Variants in PLPPR2 observed in about 807,000 individuals in gnomAD.
PLPPR2 encodes phospholipid phosphatase related 2.
A neutral mutation model predicts 40.3 loss-of-function variants in PLPPR2; 11 were observed. The ratio of observed to expected loss-of-function variants is 0.27; its 90% CI spans 0.17 to 0.45. The LOEUF (loss-of-function observed/expected upper bound fraction) is 0.45, where lower values mean the gene tolerates loss of function less well. Among genes scored for constraint, PLPPR2 ranks in the 20% least tolerant of loss-of-function variants. PLPPR2 has a pLI of 1.00. For synonymous variants in PLPPR2, 260 were observed against 290.8 expected (o/e 0.89, Z 1.08); for missense variants, 497 against 640.7 (o/e 0.78, Z 2.42).
intron 1 of PLPPR2, among the ~76,000 whole-genome samples, chr19:11,356,394 G>C (rs1448059445): frequency 6.7e-6 from 1 of 150,208 alleles, no homozygotes; most frequent in African/African-American, 2.5e-5. Flanking sequence ...GTGGGGGCTT[G>C]TGTGGGACTG....
intron 5 of PLPPR2, among the ~76,000 whole-genome samples, chr19:11,360,349 C>T (rs939339561): frequency 1.3e-4 from 19 of 151,182 alleles, no homozygotes; most frequent in African/African-American, 4.6e-4. Context: ...ATGCCTGTAG[C>T]CCCAGCTACT....
In PLPPR2 at chr19:11,364,574, C is replaced by G. The variant is rs1968143888; in HGVS notation, c.1243C>G (p.Leu415Val). Reference protein sequence around the residue: ...GGGGGRGRKLLLPTPLLRDLY... With the variant: ...GGGGGRGRKLVLPTPLLRDLY... ...GGGTGGTGGACGTGGCCGGAAGCTG[C>G]TGCTGCCCACGCCCCTGCTGCGGGA... Residue 415 changes from leucine (L) to valine (V), a missense_variant, in exon 10 of 10, where the codon CTG (leucine) becomes GTG (valine). Leu to Val is a conservative substitution (Grantham distance 32). Transcript: ENST00000688289. This position sits in a 1 kb window ranked among gnomAD's most constrained non-coding sequence, Gnocchi z 5.8. The G allele has an allele frequency of 2.0e-6, 3 of 1,536,966 alleles. No individual in the cohort carries two copies. Among genetic ancestry groups the G allele is most frequent in the Admixed American group, 2.0e-5 (1 of 50,968 alleles).
chr19:11,359,847 C>T lies in PLPPR2; in HGVS notation c.282C>T (p.Ala94=). Residue 94 remains alanine, a synonymous_variant, in exon 5 of 10, where the codon GCC becomes GCT. Transcript: ENST00000688289. The surrounding 1 kb of genome is among the most constrained non-coding windows in gnomAD (Gnocchi z 5.6). ...LTILLGELAR[A]FFPAPPSAVP... ...TCCTGCTGGGAGAGCTGGCGCGTGCCTTTTTCCCTGCACCACCTTCAGCCG... is the reference window on the plus strand; with the variant it reads ...TCCTGCTGGGAGAGCTGGCGCGTGCTTTTTTCCCTGCACCACCTTCAGCCG... 6.2e-7 allele frequency: 1 copy of T among 1,613,372 alleles called. No individual in the cohort carries two copies. Among genetic ancestry groups the T allele is most frequent in the South Asian group, 1.1e-5 (1 of 90,962 alleles).
Position 11,362,335 on chromosome 19 carries a change from CT to C in PLPPR2, c.664-173del. 2.2e-6 allele frequency: 1 copy of C among 462,116 alleles called. No individual in the cohort carries two copies. Among genetic ancestry groups the C allele is most frequent in the East Asian group, 4.3e-5 (1 of 23,456 alleles). The allele number at this position is 462,116 out of a possible 1,614,324, so 28.6% of individuals were successfully genotyped here. On this transcript the variant is annotated intron_variant, in intron 6 of 9. Transcript: ENST00000688289. This position sits in a 1 kb window ranked among gnomAD's most constrained non-coding sequence, Gnocchi z 5.3. ...CAATCCCTGACCCCCCCCCCTTTGC[CT>C]TTTTGGTCACGCTCCCTGGAAAAGC...
Position 11,364,436 on chromosome 19 carries a change from C to G in PLPPR2, c.1105C>G (p.Arg369Gly), listed in dbSNP as rs144388150. 2.0e-6 allele frequency: 3 copies of G among 1,518,994 alleles called. No individual in the cohort carries two copies. Among genetic ancestry groups the G allele is most frequent in the Non-Finnish European group, 2.6e-6 (3 of 1,138,378 alleles). The allele number at this position is 1,518,994 out of a possible 1,614,324, so 94.1% of individuals were successfully genotyped here. Residue 369 changes from arginine (R) to glycine (G), a missense_variant, in exon 10 of 10, where the codon CGT becomes GGT. Transcript: ENST00000688289. This position sits in a 1 kb window ranked among gnomAD's most constrained non-coding sequence, Gnocchi z 5.8. ...CATGTGTTCGTCGCCCCGTGTGCCC[C>G]GTCCTCGATTGAGGTCTGAGCCGAC... ...PAMCSSPRVPRPRLRSEPTPL... is the reference protein window; with the variant it reads ...PAMCSSPRVPGPRLRSEPTPL...
chr19:11,356,055 T>C (rs1967861829), intron 1 of PLPPR2, among the ~76,000 whole-genome samples: 1 of 151,956 alleles, frequency 6.6e-6, no homozygotes. Flanking sequence ...AGGACTGTCA[T>C]TGTGTGGCTC....
intron 1 of PLPPR2, 143 bp from the exon 2 acceptor site, chr19:11,356,659 C>T (rs925145622): frequency 2.4e-5 from 2 of 82,290 alleles, no homozygotes; most frequent in African/African-American, 1.1e-4. Context: ...AACGCTATGC[C>T]ATGGTTGTGT....
Position 11,359,632 on chromosome 19 carries a change from A to T in PLPPR2, c.167A>T (p.Tyr56Phe), listed in dbSNP as rs1469055916. Residue 56 changes from tyrosine to phenylalanine, a missense_variant, in exon 4 of 10, where the codon TAC becomes TTC. Transcript: ENST00000688289. This position sits in a 1 kb window ranked among gnomAD's most constrained non-coding sequence, Gnocchi z 5.6. ...TQGFFCYDSTYAKPYPGPEAA... is the reference protein window; with the variant it reads ...TQGFFCYDSTFAKPYPGPEAA... ...GGATTCTTCTGCTATGACAGTACCT[A>T]CGCCAAGCCCTACCCAGGGCCTGAG... 30 of 1,612,988 alleles carry T rather than the reference A, an allele frequency of 1.9e-5. No homozygotes were observed. The highest frequency in any genetic ancestry group is 2.5e-5 in the Non-Finnish European group (30 of 1,179,496).
rs1968060763 is a variant in PLPPR2 at position 11,362,006 on chromosome 19, C to A, written c.664-507C>A. Among the ~76,000 whole-genome samples, 1 of 152,112 alleles carries A rather than the reference C, an allele frequency of 6.6e-6. No individual in the cohort carries two copies. Among genetic ancestry groups the A allele is most frequent in the South Asian group, 2.1e-4 (1 of 4,836 alleles). ...CTGGGATTTCTAACTCTGTCCCCTG[C>A]TTTTTCCTGGTCACATCCCCTGTTG... On this transcript the variant is annotated intron_variant, in intron 6 of 9. Coordinates refer to ENST00000688289, the MANE Select transcript of PLPPR2 (RefSeq NM_001393892.1). The surrounding 1 kb of genome is among the most constrained non-coding windows in gnomAD (Gnocchi z 5.3).
rs1968030092 is a variant in PLPPR2 at position 11,361,142 on chromosome 19, A to T, written c.392-75A>T. 3 of 1,512,240 alleles carry T rather than the reference A, an allele frequency of 2.0e-6. No individual in the cohort carries two copies. The Admixed American group carries it at 5.9e-5, about 30-fold the overall frequency. 93.7% of individuals were successfully genotyped at this position (1,512,240 alleles called of 1,614,324 possible). A position where few individuals can be genotyped will look rare whatever the true frequency, so the allele number is the denominator to read the frequency against. ...TTTAATGACAGTCACAGGAAAAGGG[A>T]GCTAAGAGGCCCAATGGAATCAGTG... On this transcript the variant is annotated intron_variant, in intron 5 of 9. Coordinates refer to ENST00000688289, the MANE Select transcript of PLPPR2 (RefSeq NM_001393892.1). This position sits in a 1 kb window ranked among gnomAD's most constrained non-coding sequence, Gnocchi z 6.3.
At chr19:11,358,064 C>CACGT in intron 3 of PLPPR2, among the ~76,000 whole-genome samples, 1 of 150,250 alleles carries the variant, frequency 6.7e-6, no homozygotes, top group South Asian at 2.1e-4. Flanking sequence ...TGTGTGTGTA[C>CACGT]GTGTGTTTGA....
chr19:11,357,540 CG>C (rs1204147737), intron 2 of PLPPR2, 119 bp from the exon 3 acceptor site: 35 of 610,444 alleles, frequency 5.7e-5, no homozygotes, highest in Non-Finnish European at 8.4e-5. Flanking sequence ...AGGGCCTCCC[CG>C]GGTCTTCAGG....
At position 11,361,465 on chromosome 19, in the gene PLPPR2, G is replaced by A. The variant is rs1215108076; in HGVS notation, c.640G>A (p.Ala214Thr). 8 of 1,601,448 alleles carry A rather than the reference G, an allele frequency of 5.0e-6. No homozygotes were observed. In the African/African-American group the frequency reaches 6.7e-5, roughly 13 times the overall value. Reference sequence around the variant, plus strand: ...CCCCTGCAAGGATGCGGCCCTCTGCGCCTACGCGGTCACCTACACAGCGGT... The same window carrying A: ...CCCCTGCAAGGATGCGGCCCTCTGCACCTACGCGGTCACCTACACAGCGGT... ...AFPCKDAALC[A>T]YAVTYTAMYV... Residue 214 changes from alanine to threonine, a missense_variant, in exon 6 of 10, where the codon GCC (alanine) becomes ACC (threonine). Ala to Thr is a moderately conservative substitution (Grantham distance 58). Transcript: ENST00000688289. This position sits in a 1 kb window ranked among gnomAD's most constrained non-coding sequence, Gnocchi z 6.3.
chr19:11,359,923 A>G lies in PLPPR2; in HGVS notation c.358A>G (p.Ser120Gly). 1 of 1,612,366 alleles carries G rather than the reference A, an allele frequency of 6.2e-7. No individual in the cohort carries two copies. The highest frequency in any genetic ancestry group is 8.5e-7 in the Non-Finnish European group (1 of 1,179,162). The change falls in exon 5 of 10, where the codon AGC becomes GGC. Residue 120 changes from serine to glycine, a missense_variant. Physicochemically the swap from Ser to Gly is moderately conservative, Grantham distance 56. Transcript: ENST00000688289. This position sits in a 1 kb window ranked among gnomAD's most constrained non-coding sequence, Gnocchi z 5.6. ...CGTGTCTGGGGCCTGCTGCCGCTTC[A>G]GCCCCCCAGTGCGGAGGCTGGTCCG... is the stretch of plus-strand genomic sequence containing the variant. ...TIVSGACCRF[S>G]PPVRRLVRFL...
chr19:11,361,421 CCGCCGCG>C lies in PLPPR2; in HGVS notation c.605_611del (p.Arg202ProfsTer21). On this transcript the variant is annotated frameshift_variant, in exon 6 of 10. Coordinates refer to ENST00000688289, the MANE Select transcript of PLPPR2 (RefSeq NM_001393892.1). LOFTEE classifies it high-confidence loss of function. This position sits in a 1 kb window ranked among gnomAD's most constrained non-coding sequence, Gnocchi z 6.3. ...TGCGCTGGCAGTCCCAGCCTCGTGG[CCGCCGCG>C]CGCCGCGCCTTCCCCTGCAAGGATG... The C allele has an allele frequency of 6.2e-7, 1 of 1,606,416 alleles. No homozygotes were observed. Among genetic ancestry groups the C allele is most frequent in the Non-Finnish European group, 8.5e-7 (1 of 1,179,396 alleles).
chr19:11,362,544 G>T lies in PLPPR2; in HGVS notation c.695G>T (p.Gly232Val). 6.2e-7 allele frequency: 1 copy of T among 1,611,528 alleles called. No individual in the cohort carries two copies. ...GTGACTCTCGTGTTCCGCGTGAAGG[G>T]CTCCCGCCTGGTCAAACCCTCGCTC... ...MYVTLVFRVK[G>V]SRLVKPSLCL... Residue 232 changes from glycine (G) to valine (V), a missense_variant, in exon 7 of 10, where the codon GGC (glycine) becomes GTC (valine). Transcript: ENST00000688289. The surrounding 1 kb of genome is among the most constrained non-coding windows in gnomAD (Gnocchi z 5.3).
At chr19:11,358,825 C>T (rs957275615) in intron 3 of PLPPR2, among the ~76,000 whole-genome samples, 6 of 150,882 alleles carry the variant, frequency 4.0e-5, no homozygotes, top group South Asian at 2.1e-4. Context: ...AGTGATTCTC[C>T]TGCCTCAGCC....
chr19:11,364,034 G>A lies in PLPPR2; in HGVS notation c.964-127G>A. On this transcript the variant is annotated intron_variant, in intron 8 of 9. Coordinates refer to ENST00000688289, the MANE Select transcript of PLPPR2 (RefSeq NM_001393892.1). This position sits in a 1 kb window ranked among gnomAD's most constrained non-coding sequence, Gnocchi z 5.8. ...AGCACCCCCGTCTTCTTCCCAGGGG[G>A]ACACGGTTAATCATGAGAACTGTGG... 1.4e-6 allele frequency: 2 copies of A among 1,394,740 alleles called. No homozygotes were observed. The highest frequency in any genetic ancestry group is 2.0e-6 in the Non-Finnish European group (2 of 1,022,022). The allele number at this position is 1,394,740 out of a possible 1,614,324, so 86.4% of individuals were successfully genotyped here. A position where few individuals can be genotyped will look rare whatever the true frequency, so the allele number is the denominator to read the frequency against.
chr19:11,358,221 A>G (rs1967947472), intron 3 of PLPPR2, among the ~76,000 whole-genome samples: 1 of 151,886 alleles, frequency 6.6e-6, no homozygotes, highest in Non-Finnish European at 1.5e-5. Context: ...TGCCCAGCTA[A>G]TTTTTGTACT....
Sources: allele counts gnomAD v4.1 joint callset (sites outside exome capture counted in the v4.1 genomes callset), GRCh38; gene constraint gnomAD v4.1.1; non-coding constraint Gnocchi (gnomAD v3.1); transcripts MANE v1.5; gene names NCBI Gene and HGNC (gene_info 2026-07-23, HGNC 2026-07-21).